Variants in LDLRAD4 observed in about 807,000 individuals in gnomAD.
LDLRAD4 encodes the protein low-density lipoprotein receptor class A domain-containing protein 4.
LDLRAD4 carries 5 observed loss-of-function variants against 17.0 expected under a neutral mutation model. The ratio of observed to expected loss-of-function variants is 0.29; its 90% CI spans 0.15 to 0.62. The LOEUF is 0.62. Ranked by LOEUF, LDLRAD4 falls within the 20% of genes least tolerant of loss-of-function variation. The pLI, the probability that LDLRAD4 is intolerant of heterozygous loss-of-function variation, is 0.84. For missense variants in LDLRAD4, 340 were observed against 424.7 expected (o/e 0.80, Z 1.75); for synonymous variants, 168 against 171.8 (o/e 0.98, Z 0.17).
Position 13,387,713 on chromosome 18 carries a change from G to A in LDLRAD4, c.-10G>A, listed in dbSNP as rs1568084835. On this transcript the variant is annotated 5_prime_UTR_variant, in exon 2 of 6. Coordinates refer to ENST00000359446, the Ensembl canonical transcript of LDLRAD4. ...CAAGAGTTGGAGCACAGGCTTGTCC[G>A]GGGAGCAGTATGCCGGAAGCTGGTT... The A allele has an allele frequency of 3.1e-6, 5 of 1,613,536 alleles. No homozygotes were observed. In the African/African-American group the frequency reaches 5.3e-5, roughly 17 times the overall value.
chr18:13,524,290 G>A (rs2093996894), intron 3 of LDLRAD4, among the ~76,000 whole-genome samples: 1 of 152,316 alleles, frequency 6.6e-6, no homozygotes, highest in African/African-American at 2.4e-5. Flanking sequence ...TCACTTTGAT[G>A]TGTTATATTG....
intron 3 of LDLRAD4, among the ~76,000 whole-genome samples, chr18:13,484,764 C>A (rs2093178373): frequency 6.6e-6 from 1 of 152,190 alleles, no homozygotes; most frequent in Non-Finnish European, 1.5e-5. Context: ...TGACCCAGTG[C>A]CAGTATCTTC....
chr18:13,342,578 ATAT>A (rs927630680), intron 1 of LDLRAD4, among the ~76,000 whole-genome samples: 2 of 145,678 alleles, frequency 1.4e-5, no homozygotes, highest in Non-Finnish European at 3.0e-5. Context: ...GAATTATATA[ATAT>A]TCTTTTTTGT....
Position 13,645,865 on chromosome 18 carries a change from A to C in LDLRAD4, c.*208A>C, listed in dbSNP as rs1175026008. 1 of 415,468 alleles carries C rather than the reference A, an allele frequency of 2.4e-6. No individual in the cohort carries two copies. The highest frequency in any genetic ancestry group is 4.2e-6 in the Non-Finnish European group (1 of 239,676). 25.7% of individuals were successfully genotyped at this position (415,468 alleles called of 1,614,324 possible). On this transcript the variant is annotated 3_prime_UTR_variant, in exon 6 of 6. Transcript: ENST00000359446. The surrounding 1 kb of genome is among the most constrained non-coding windows in gnomAD (Gnocchi z 5.7). ...ACAAACTTCCATCTGGTCTGACCGC[A>C]AACAGTGTTTATTTGGGGACAGGGG...
intron 3 of LDLRAD4, among the ~76,000 whole-genome samples, chr18:13,509,316 A>C (rs1185232204): frequency 2.6e-5 from 4 of 152,206 alleles, no homozygotes; most frequent in Non-Finnish European, 5.9e-5. Context: ...CCTGTCTCAA[A>C]GACAGCAACA....
At chr18:13,632,612 G>A (rs1049631401) in intron 4 of LDLRAD4, among the ~76,000 whole-genome samples, 2 of 152,220 alleles carry the variant, frequency 1.3e-5, no homozygotes, top group Non-Finnish European at 2.9e-5. Flanking sequence ...CTAGGTCTGG[G>A]CTGCCCTAAG....
At chr18:13,614,500 A>T (rs764682487) in intron 3 of LDLRAD4, 1 of 152,212 alleles carries the variant, frequency 6.6e-6, no homozygotes, top group Non-Finnish European at 1.5e-5. Context: ...AAGGAAAATA[A>T]AATTCAAAAT....
chr18:13,484,103 C>T (rs1347592293), intron 3 of LDLRAD4: 10 of 152,252 alleles, frequency 6.6e-5, no homozygotes, highest in Admixed American at 6.5e-4. Flanking sequence ...GGCCGAAGCC[C>T]ACCCAGGGAG....
At chr18:13,402,918 A>G (rs562190039) in intron 2 of LDLRAD4, among the ~76,000 whole-genome samples, 66 of 152,334 alleles carry the variant, frequency 4.3e-4, no homozygotes, top group African/African-American at 1.5e-3. Flanking sequence ...GGCCTTCACA[A>G]TCAAAACTTA....
chr18:13,399,196 CAAAAAAAAGAG>C (rs1445368897), intron 2 of LDLRAD4, among the ~76,000 whole-genome samples: 5 of 147,244 alleles, frequency 3.4e-5, no homozygotes, highest in Admixed American at 6.8e-5. Flanking sequence ...GACCTTGTCT[CAAAAAAAAGAG>C]AAAAAAAAGA....
chr18:13,549,182 T>C (rs2094405133), intron 3 of LDLRAD4, among the ~76,000 whole-genome samples: 1 of 152,180 alleles, frequency 6.6e-6, no homozygotes. Flanking sequence ...ATGAGAAATA[T>C]TTGCATCCAG....
intron 4 of LDLRAD4, among the ~76,000 whole-genome samples, chr18:13,629,343 C>T (rs2041459053): frequency 6.6e-6 from 1 of 152,164 alleles, no homozygotes; most frequent in South Asian, 2.1e-4. Flanking sequence ...CAAAGGCAAG[C>T]ACGACTCAAT....
At chr18:13,617,037 C>A (rs910319437) in intron 3 of LDLRAD4, among the ~76,000 whole-genome samples, 1 of 151,768 alleles carries the variant, frequency 6.6e-6, no homozygotes, top group East Asian at 1.9e-4. Flanking sequence ...CAGGGCAGGG[C>A]GGTACCTGTG....
intron 1 of LDLRAD4, among the ~76,000 whole-genome samples, chr18:13,242,694 T>G (rs1358553702): frequency 6.6e-6 from 1 of 152,254 alleles, no homozygotes; most frequent in East Asian, 1.9e-4. Context: ...AGTTTTGTTA[T>G]ATGGATATAT....
exon 6 of LDLRAD4, chr18:13,650,359 T>C (rs2043191974): frequency 2.0e-5 from 8 of 399,616 alleles, no homozygotes; most frequent in Non-Finnish European, 3.5e-5. Flanking sequence ...CTTTTCTTTC[T>C]TCCCTCTGCG....
intron 1 of LDLRAD4, among the ~76,000 whole-genome samples, chr18:13,247,852 C>T (rs562424731): frequency 3.5e-4 from 54 of 152,242 alleles, no homozygotes; most frequent in African/African-American, 1.3e-3. Flanking sequence ...TGCTGGAGAA[C>T]CCGCTCACTC....
chr18:13,268,036 A>G (rs953814974), intron 1 of LDLRAD4, among the ~76,000 whole-genome samples: 6 of 152,128 alleles, frequency 3.9e-5, no homozygotes, highest in African/African-American at 1.2e-4. Context: ...GGCTTGACAC[A>G]TTCTTTTTAG....
intron 1 of LDLRAD4, among the ~76,000 whole-genome samples, chr18:13,371,138 C>T (rs141981215): frequency 3.3e-5 from 5 of 152,182 alleles, no homozygotes; most frequent in Admixed American, 6.5e-5. Flanking sequence ...CCCACCAATG[C>T]GGTGGGAGGC....
chr18:13,294,782 A>G (rs1288121091), intron 1 of LDLRAD4, among the ~76,000 whole-genome samples: 1 of 151,744 alleles, frequency 6.6e-6, no homozygotes, highest in Non-Finnish European at 1.5e-5. Context: ...AGGACAGCCT[A>G]CCTACTTGTT....
Sources: allele counts gnomAD v4.1 joint callset (sites outside exome capture counted in the v4.1 genomes callset), GRCh38; gene constraint gnomAD v4.1.1; non-coding constraint Gnocchi (gnomAD v3.1); transcripts MANE v1.5; gene names NCBI Gene and HGNC (gene_info 2026-07-23, HGNC 2026-07-21).